MAML3: variants seen among roughly 807,000 people sequenced by gnomAD.
The protein encoded by MAML3 is mastermind-like protein 3.
In MAML3, 27 loss-of-function variants were observed where a neutral mutation model predicts 101.9. The ratio of observed to expected loss-of-function variants is 0.27; its 90% CI spans 0.20 to 0.37. The LOEUF is 0.37. MAML3 is among the 10% of genes least tolerant of loss of function. The probability of loss-of-function intolerance (pLI) is 1.00; values close to 1 mark genes in which losing one functional copy is unlikely to be tolerated. For missense variants in MAML3, 1,316 were observed against 1,444.9 expected, an observed-to-expected ratio of 0.91 and a Z score of 1.45; for synonymous variants, 501 against 555.9, an observed-to-expected ratio of 0.90 and a Z score of 1.39.
At chr4:139,746,721 C>T (rs915582514) in intron 2 of MAML3, among the ~76,000 whole-genome samples, 1 of 152,198 alleles carries the variant, frequency 6.6e-6, no homozygotes, top group Non-Finnish European at 1.5e-5. Context: ...TCACCTCCCC[C>T]CTTCTCCTCC....
intron 1 of MAML3, among the ~76,000 whole-genome samples, chr4:140,020,410 A>ATT (rs142339572): frequency 1.1e-4 from 17 of 148,760 alleles, no homozygotes; most frequent in South Asian, 2.1e-4. Context: ...TTTGAGGCTG[A>ATT]TTTTTTTTTT....
intron 1 of MAML3, among the ~76,000 whole-genome samples, chr4:140,111,461 G>GTA (rs1452658466): frequency 1.3e-5 from 2 of 152,178 alleles, no homozygotes; most frequent in Admixed American, 6.5e-5. Flanking sequence ...GCCAATCCAG[G>GTA]ACTAGAACAT....
chr4:140,132,090 A>G (rs1728804187), intron 1 of MAML3, among the ~76,000 whole-genome samples: 1 of 152,210 alleles, frequency 6.6e-6, no homozygotes, highest in African/African-American at 2.4e-5. Context: ...CCATGCAATC[A>G]CTGTCCTCAG....
chr4:139,927,124 G>A (rs1356235833), intron 1 of MAML3, among the ~76,000 whole-genome samples: 2 of 133,082 alleles, frequency 1.5e-5, no homozygotes, highest in African/African-American at 5.8e-5. Context: ...GGGTTTCACT[G>A]TGTCACCCAG....
intron 1 of MAML3, among the ~76,000 whole-genome samples, chr4:139,895,757 G>A (rs1208278483): frequency 3.3e-5 from 5 of 152,108 alleles, no homozygotes; most frequent in Non-Finnish European, 7.4e-5. Flanking sequence ...TCAAGTCCAA[G>A]TGCTAATGCA....
intron 2 of MAML3, among the ~76,000 whole-genome samples, chr4:139,841,002 A>G (rs938654983): frequency 1.3e-5 from 2 of 152,212 alleles, no homozygotes; most frequent in African/African-American, 4.8e-5. Flanking sequence ...TGCAAAATGA[A>G]CCAAGGATTC....
chr4:139,808,992 G>T (rs1177105209), intron 2 of MAML3, among the ~76,000 whole-genome samples: 1 of 152,112 alleles, frequency 6.6e-6, no homozygotes, highest in African/African-American at 2.4e-5. Context: ...GTCGGTGTGT[G>T]ACTCCCCCAC....
chr4:139,862,438 C>G (rs1365962154), intron 2 of MAML3, among the ~76,000 whole-genome samples: 2 of 152,204 alleles, frequency 1.3e-5, no homozygotes, highest in Non-Finnish European at 2.9e-5. Flanking sequence ...CTGCGTTTGA[C>G]CATCCAGCTC....
intron 2 of MAML3, among the ~76,000 whole-genome samples, chr4:139,766,698 T>C (rs1729868170): frequency 6.6e-6 from 1 of 152,198 alleles, no homozygotes. Context: ...GCCATTTCCT[T>C]CTACCATGAT....
Position 139,768,697 on chromosome 4 carries a change from G to A in MAML3, c.2080-38030C>T, listed in dbSNP as rs572389734. On this transcript the variant is annotated intron_variant, in intron 2 of 4. Transcript: ENST00000509479. ...ACGCTGATGTTGAGAAGGTAGCCTT[G>A]GTGGGCCAGGGCAGAGACCAGTCCT... is the stretch of plus-strand genomic sequence containing the variant. Among the ~76,000 whole-genome samples the A allele has an allele frequency of 5.3e-5, 8 of 152,294 alleles. No homozygotes were observed. In the South Asian group the frequency reaches 1.5e-3, roughly 28 times the overall value.
intron 1 of MAML3, among the ~76,000 whole-genome samples, chr4:139,952,301 C>T (rs142414829): frequency 3.9e-5 from 6 of 152,202 alleles, no homozygotes; most frequent in African/African-American, 9.6e-5. Flanking sequence ...TTATTTAGTT[C>T]GAGGTGGTTC....
At chr4:140,087,882 C>T (rs1451208483) in intron 1 of MAML3, among the ~76,000 whole-genome samples, 1 of 152,176 alleles carries the variant, frequency 6.6e-6, no homozygotes, top group Non-Finnish European at 1.5e-5. Flanking sequence ...ACAGAATTCT[C>T]TACTTCAGGA....
At chr4:140,126,441 T>C (rs1728687363) in intron 1 of MAML3, among the ~76,000 whole-genome samples, 1 of 152,176 alleles carries the variant, frequency 6.6e-6, no homozygotes, top group African/African-American at 2.4e-5. Flanking sequence ...TCTCGCTGCA[T>C]GTGATTATGC....
intron 2 of MAML3, among the ~76,000 whole-genome samples, chr4:139,846,607 C>A (rs530533859): frequency 6.6e-6 from 1 of 152,166 alleles, no homozygotes; most frequent in Non-Finnish European, 1.5e-5. Context: ...CCTGGCCTCC[C>A]AAAGTGCAGG....
intron 1 of MAML3, among the ~76,000 whole-genome samples, chr4:140,042,417 G>A (rs905536230): frequency 1.3e-5 from 2 of 152,014 alleles, no homozygotes; most frequent in Non-Finnish European, 2.9e-5. Context: ...GGCGGATCAC[G>A]AGGTCAGGAG....
At chr4:139,908,646 A>G (rs1732862455) in intron 1 of MAML3, among the ~76,000 whole-genome samples, 1 of 152,268 alleles carries the variant, frequency 6.6e-6, no homozygotes, top group Admixed American at 6.5e-5. Context: ...ACTTTTAAAT[A>G]TATCACAAGC....
At chr4:139,828,731 T>A (rs201769491) in intron 2 of MAML3, among the ~76,000 whole-genome samples, 17 of 77,078 alleles carry the variant, frequency 2.2e-4, no homozygotes, top group African/African-American at 2.6e-4. Flanking sequence ...TTTTTTTTTT[T>A]TAAAAACATA....
chr4:139,987,244 T>G (rs1377217501), intron 1 of MAML3, among the ~76,000 whole-genome samples: 1 of 152,210 alleles, frequency 6.6e-6, no homozygotes, highest in African/African-American at 2.4e-5. Context: ...GGACAGTTTA[T>G]AAATATTTTG....
At chr4:140,026,060 T>C (rs1325401987) in intron 1 of MAML3, among the ~76,000 whole-genome samples, 1 of 152,152 alleles carries the variant, frequency 6.6e-6, no homozygotes, top group Non-Finnish European at 1.5e-5. Flanking sequence ...GTGCTTAACA[T>C]ACGTCAATCT....
Sources: allele counts gnomAD v4.1 joint callset (sites outside exome capture counted in the v4.1 genomes callset), GRCh38; gene constraint gnomAD v4.1.1; transcripts MANE v1.5; gene names NCBI Gene and HGNC (gene_info 2026-07-23, HGNC 2026-07-21).